Variants in HHIP observed in about 807,000 individuals in gnomAD.
HHIP encodes hedgehog interacting protein, also known as hedgehog-interacting protein.
A neutral mutation model predicts 74.0 loss-of-function variants in HHIP; 12 were observed. That is an observed-to-expected ratio of 0.16 (90% CI 0.10 to 0.26). HHIP has a LOEUF of 0.26. Ranked by LOEUF, HHIP falls within the 10% of genes least tolerant of loss-of-function variation. The pLI, the probability that HHIP is intolerant of heterozygous loss-of-function variation, is 1.00. For synonymous variants in HHIP, 309 were observed against 311.6 expected, an observed-to-expected ratio of 0.99 and a Z score of 0.09; for missense variants, 788 against 845.0, an observed-to-expected ratio of 0.93 and a Z score of 0.84.
At chr4:144,693,088 C>T (rs1057486564) in intron 4 of HHIP, among the ~76,000 whole-genome samples, 2 of 152,180 alleles carry the variant, frequency 1.3e-5, no homozygotes, top group South Asian at 4.2e-4. Context: ...ATGTTCATAA[C>T]GTTATAGGTG....
chr4:144,719,108 T>G, intron 11 of HHIP, 152 bp downstream of exon 11: 1 of 626,784 alleles, frequency 1.6e-6, no homozygotes, highest in Non-Finnish European at 2.9e-6. Context: ...CTGAAAGGAT[T>G]TTCTTCGCCT....
intron 1 of HHIP, chr4:144,648,249 A>T (rs1206968795): frequency 1.3e-5 from 2 of 152,236 alleles, no homozygotes; most frequent in African/African-American, 4.8e-5. Context: ...CCTGTTGCTT[A>T]TGGCAAAAGA....
At position 144,738,571 on chromosome 4, in the gene HHIP, GT is replaced by G. The variant is rs1731186955; in HGVS notation, c.*618del. On this transcript the variant is annotated 3_prime_UTR_variant, in exon 13 of 13. Coordinates refer to ENST00000296575, the MANE Select transcript of HHIP (RefSeq NM_022475.3). ...GTTATTTCATCTTAATCTCAAGATT[GT>G]TTTCAAGTGTTTTATAATTAAATCA... The G allele has an allele frequency of 1.3e-6, 1 of 797,588 alleles. No homozygotes were observed. Among genetic ancestry groups the G allele is most frequent in the South Asian group, 5.8e-5 (1 of 17,328 alleles). 49.4% of individuals were successfully genotyped at this position (797,588 alleles called of 1,614,324 possible).
chr4:144,737,176 C>T (rs1731143720), intron 12 of HHIP, among the ~76,000 whole-genome samples: 1 of 152,186 alleles, frequency 6.6e-6, no homozygotes, highest in Admixed American at 6.5e-5. Flanking sequence ...TGGCCAACTG[C>T]ACTGACTCCA....
chr4:144,679,192 T>G (rs1311128218), intron 4 of HHIP, among the ~76,000 whole-genome samples: 3 of 152,220 alleles, frequency 2.0e-5, no homozygotes, highest in African/African-American at 7.2e-5. Flanking sequence ...TTGAGAAGTG[T>G]CTGTTCATAT....
At chr4:144,686,048 A>T (rs1729474571) in intron 4 of HHIP, among the ~76,000 whole-genome samples, 1 of 152,154 alleles carries the variant, frequency 6.6e-6, no homozygotes, top group East Asian at 1.9e-4. Flanking sequence ...TTGCCAACTG[A>T]ACATTACACT....
At chr4:144,685,327 A>C (rs540105661) in intron 4 of HHIP, among the ~76,000 whole-genome samples, 1 of 152,332 alleles carries the variant, frequency 6.6e-6, no homozygotes, top group African/African-American at 2.4e-5. Context: ...TAGGACATAG[A>C]CCAGAACTAT....
intron 4 of HHIP, among the ~76,000 whole-genome samples, chr4:144,662,990 A>G (rs1728754936): frequency 6.6e-6 from 1 of 152,150 alleles, no homozygotes; most frequent in South Asian, 2.1e-4. Flanking sequence ...AGCTTTCAAA[A>G]ATTCTTATAG....
intron 4 of HHIP, among the ~76,000 whole-genome samples, chr4:144,701,180 G>C (rs1426073215): frequency 6.6e-6 from 1 of 152,120 alleles, no homozygotes; most frequent in Non-Finnish European, 1.5e-5. Flanking sequence ...AGCATTAAGA[G>C]AGCAACAATT....
At chr4:144,707,019 T>C in intron 5 of HHIP, 68 bp from the exon 6 acceptor site, 1 of 1,330,300 alleles carries the variant, frequency 7.5e-7, no homozygotes, top group African/African-American at 1.5e-5. Flanking sequence ...TTATATACTA[T>C]TCACTTTCTG....
At chr4:144,657,107 G>A (rs913381486) in intron 2 of HHIP, among the ~76,000 whole-genome samples, 4 of 151,990 alleles carry the variant, frequency 2.6e-5, no homozygotes, top group Non-Finnish European at 4.4e-5. Flanking sequence ...GAAATTGGCA[G>A]GGAAGAGTCT....
chr4:144,653,174 A>T (rs1728470808), intron 2 of HHIP, among the ~76,000 whole-genome samples: 1 of 152,152 alleles, frequency 6.6e-6, no homozygotes, highest in Non-Finnish European at 1.5e-5. Flanking sequence ...TACATAGCTG[A>T]TACATATATA....
chr4:144,667,697 C>T (rs544399159), intron 4 of HHIP, among the ~76,000 whole-genome samples: 16 of 152,322 alleles, frequency 1.1e-4, no homozygotes, highest in Non-Finnish European at 2.1e-4. Flanking sequence ...CTACAGCAAC[C>T]TTTCAGCAGC....
At position 144,738,123 on chromosome 4, in the gene HHIP, A is replaced by AT; in HGVS notation, c.*167dup. 1 of 1,303,318 alleles carries AT rather than the reference A, an allele frequency of 7.7e-7. No homozygotes were observed. The allele number at this position is 1,303,318 out of a possible 1,614,324, so 80.7% of individuals were successfully genotyped here. ...GCAGATCCTCTGTGTGTATGTCAGC[A>AT]TGTTTGTTCACATATGCACATACAC... On this transcript the variant is annotated 3_prime_UTR_variant, in exon 13 of 13. Transcript: ENST00000296575.
At chr4:144,697,754 A>T (rs1729860685) in intron 4 of HHIP, among the ~76,000 whole-genome samples, 1 of 152,134 alleles carries the variant, frequency 6.6e-6, no homozygotes, top group South Asian at 2.1e-4. Flanking sequence ...AGTTATAAGT[A>T]TATAACTGAG....
intron 4 of HHIP, among the ~76,000 whole-genome samples, chr4:144,695,351 G>A (rs186450344): frequency 1.2e-4 from 18 of 151,596 alleles, no homozygotes; most frequent in Middle Eastern, 3.4e-3. Flanking sequence ...TCTTATATTC[G>A]TCCTTAGTTT....
intron 4 of HHIP, chr4:144,660,080 A>G: frequency 3.7e-6 from 2 of 545,806 alleles, no homozygotes; most frequent in Non-Finnish European, 6.4e-6. Flanking sequence ...TCCCCATGTA[A>G]TTGACACATT....
At chr4:144,695,844 G>C (rs1729802626) in intron 4 of HHIP, among the ~76,000 whole-genome samples, 1 of 151,828 alleles carries the variant, frequency 6.6e-6, no homozygotes, top group Non-Finnish European at 1.5e-5. Context: ...TTTATCAAAA[G>C]TATGTGGTGA....
intron 3 of HHIP, among the ~76,000 whole-genome samples, chr4:144,659,294 T>C (rs1312784780): frequency 6.6e-6 from 1 of 152,244 alleles, no homozygotes; most frequent in Admixed American, 6.5e-5. Flanking sequence ...ATCTTAGAAC[T>C]TTCTCTCTAC....
Sources: gnomAD v4.1 joint callset for allele counts (sites outside exome capture counted in the v4.1 genomes callset) on GRCh38, gnomAD v4.1.1 for gene constraint, MANE v1.5 for transcripts, NCBI Gene and HGNC (gene_info 2026-07-23, HGNC 2026-07-21) for gene names.